PAPPA: variants seen among roughly 807,000 people sequenced by gnomAD.
PAPPA encodes pappalysin-1.
Under a neutral mutation model 164.0 loss-of-function variants are expected in PAPPA, and 60 were observed. That is an observed-to-expected ratio of 0.37 (90% confidence interval 0.30 to 0.45). The LOEUF (loss-of-function observed/expected upper bound fraction) is 0.45, where lower values mean the gene tolerates loss of function less well. Among genes scored for constraint, PAPPA ranks in the 20% least tolerant of loss-of-function variants. PAPPA has a pLI of 1.00. For missense variants in PAPPA, 1,782 were observed against 2,087.3 expected (o/e 0.85, Z 2.85); for synonymous variants, 875 against 814.1 (o/e 1.07, Z -1.27).
chr9:116,344,499 C>T (rs775721099), intron 13 of PAPPA, 44 bp from the exon 14 acceptor site: 2 of 1,585,560 alleles, frequency 1.3e-6, no homozygotes, highest in South Asian at 2.3e-5. Context: ...GCATAGCTGT[C>T]CTGTGAGGAG....
At chr9:116,355,648 A>G (rs936576099) in intron 17 of PAPPA, among the ~76,000 whole-genome samples, 2 of 152,220 alleles carry the variant, frequency 1.3e-5, no homozygotes, top group Non-Finnish European at 2.9e-5. Flanking sequence ...CTGCTGAGCC[A>G]AATAATATTC....
intron 21 of PAPPA, among the ~76,000 whole-genome samples, chr9:116,395,581 A>AGAT (rs1846951903): frequency 6.6e-6 from 1 of 152,324 alleles, no homozygotes; most frequent in East Asian, 1.9e-4. Context: ...TTGGAAAGAT[A>AGAT]GATTATCTCC....
intron 1 of PAPPA, among the ~76,000 whole-genome samples, chr9:116,161,348 GGTCAGGGGTAAAATAGCGACTTTCAAACT>G (rs1045296567): frequency 5.9e-5 from 9 of 152,080 alleles, no homozygotes; most frequent in Non-Finnish European, 7.4e-5. Flanking sequence ...GCAAAAGGAG[GGTCAGGGGTAAAATAGCGACTTTCAAACT>G]GTCAGGGGTA....
At chr9:116,225,854 C>T (rs1844500732) in intron 5 of PAPPA, among the ~76,000 whole-genome samples, 3 of 151,566 alleles carry the variant, frequency 2.0e-5, no homozygotes, top group South Asian at 4.2e-4. Context: ...TCCATCTATC[C>T]ATCCATGCAT....
intron 4 of PAPPA, among the ~76,000 whole-genome samples, chr9:116,213,714 A>AT (rs547210998): frequency 4.7e-4 from 71 of 151,758 alleles, no homozygotes; most frequent in Admixed American, 3.7e-3. Flanking sequence ...TTGATTTACT[A>AT]TTTTTTTTAA....
chr9:116,380,936 G>T (rs544414315), intron 20 of PAPPA, among the ~76,000 whole-genome samples: 5 of 152,338 alleles, frequency 3.3e-5, no homozygotes, highest in African/African-American at 1.2e-4. Flanking sequence ...CTGGATCACA[G>T]ATGGCATGCT....
At chr9:116,207,643 C>G (rs751889100) in intron 3 of PAPPA, 42 bp downstream of exon 3, 2 of 1,479,776 alleles carry the variant, frequency 1.4e-6, no homozygotes, top group Non-Finnish European at 1.9e-6. Context: ...TAGAGTAGGA[C>G]AGTAATACAC....
chr9:116,331,048 A>G (rs1183919411), intron 10 of PAPPA, among the ~76,000 whole-genome samples, 196 bp from the exon 11 acceptor site: 3 of 152,168 alleles, frequency 2.0e-5, no homozygotes, highest in Non-Finnish European at 4.4e-5. Flanking sequence ...TATCTATTAT[A>G]TCCTTAAAAG....
At chr9:116,275,220 T>C (rs951556666) in intron 9 of PAPPA, among the ~76,000 whole-genome samples, 2 of 152,236 alleles carry the variant, frequency 1.3e-5, no homozygotes, top group Non-Finnish European at 2.9e-5. Flanking sequence ...CTGAAAATTA[T>C]TGCCATAAGA....
At chr9:116,297,959 G>A (rs745322939) in intron 9 of PAPPA, among the ~76,000 whole-genome samples, 10 of 152,194 alleles carry the variant, frequency 6.6e-5, no homozygotes, top group Non-Finnish European at 1.3e-4. Context: ...CTGAGGCATA[G>A]GGAGGTGAAA....
intron 9 of PAPPA, among the ~76,000 whole-genome samples, chr9:116,294,636 C>T (rs373979049): frequency 6.6e-6 from 1 of 152,166 alleles, no homozygotes; most frequent in South Asian, 2.1e-4. Context: ...TCCTGCTCCC[C>T]CTGTTCCAAG....
At chr9:116,311,746 G>A (rs918433328) in intron 10 of PAPPA, among the ~76,000 whole-genome samples, 11 of 152,242 alleles carry the variant, frequency 7.2e-5, no homozygotes, top group South Asian at 2.1e-4. Flanking sequence ...TGTATAATAC[G>A]TGGCTACGTC....
At chr9:116,377,530 C>T (rs1588027304) in intron 19 of PAPPA, 46 bp from the exon 20 acceptor site, 2 of 1,420,182 alleles carry the variant, frequency 1.4e-6, no homozygotes, top group East Asian at 2.3e-5. Context: ...AGGTGGGTCC[C>T]TCCCAATCCC....
Position 116,323,543 on chromosome 9 carries a change from AAAAG to A in PAPPA, c.3148-7691_3148-7688del, listed in dbSNP as rs1369839422. Reference sequence around the variant, plus strand: ...TTTGCAGCTTCCAATTGCAGACACAAAAAGAAAGAAAGAGAGAGAGAGAGAGAAA... The same window carrying A: ...TTTGCAGCTTCCAATTGCAGACACAAAAAGAAAGAGAGAGAGAGAGAGAAA... On this transcript the variant is annotated intron_variant, in intron 10 of 21. Transcript: ENST00000328252. Among the ~76,000 whole-genome samples, 32 of 152,264 alleles carry A rather than the reference AAAAG, an allele frequency of 2.1e-4. 1 individual carries two copies. The highest frequency in any genetic ancestry group is 4.2e-4 in the South Asian group (2 of 4,814).
chr9:116,248,024 G>A (rs961498838), intron 7 of PAPPA, among the ~76,000 whole-genome samples: 28 of 152,148 alleles, frequency 1.8e-4, no homozygotes, highest in African/African-American at 6.8e-4. Context: ...AGATTTAAAT[G>A]TTCATGATTC....
At chr9:116,193,144 T>A (rs1047012013) in intron 2 of PAPPA, among the ~76,000 whole-genome samples, 7 of 151,578 alleles carry the variant, frequency 4.6e-5, no homozygotes, top group South Asian at 2.1e-4. Context: ...TATTATTATT[T>A]TTTTGAATGT....
chr9:116,402,114 A>G lies in PAPPA; in HGVS notation c.*5498A>G, dbSNP rs977043139. 3 of 152,458 alleles carry G rather than the reference A, an allele frequency of 2.0e-5. No individual in the cohort carries two copies. Among genetic ancestry groups the G allele is most frequent in the African/African-American group, 7.2e-5 (3 of 41,424 alleles). 9.4% of individuals were successfully genotyped at this position (152,458 alleles called of 1,614,324 possible). A position where few individuals can be genotyped will look rare whatever the true frequency, so the allele number is the denominator to read the frequency against. ...TGTTCATCTAATTTATTTTTTCTAT[A>G]CAGTTTTAAATACTCAGACATATTT... On this transcript the variant is annotated 3_prime_UTR_variant, in exon 22 of 22. Transcript: ENST00000328252.
chr9:116,207,651 C>T, intron 3 of PAPPA, 50 bp downstream of exon 3: 1 of 1,383,946 alleles, frequency 7.2e-7, no homozygotes, highest in Non-Finnish European at 1.0e-6. Context: ...GACAGTAATA[C>T]ACTTAGTGCG....
chr9:116,158,379 C>T (rs1843627624), intron 1 of PAPPA, among the ~76,000 whole-genome samples: 1 of 152,102 alleles, frequency 6.6e-6, no homozygotes, highest in Non-Finnish European at 1.5e-5. Flanking sequence ...GTAGTCCTAC[C>T]TGGGATCTAG....
Sources: gnomAD v4.1 joint callset for allele counts (sites outside exome capture counted in the v4.1 genomes callset) on GRCh38, gnomAD v4.1.1 for gene constraint, MANE v1.5 for transcripts, NCBI Gene and HGNC (gene_info 2026-07-23, HGNC 2026-07-21) for gene names.